The following PHF21B variants were observed in gnomAD, a reference collection of about 807,000 sequenced individuals.
The protein encoded by PHF21B is PHD finger protein 21B.
In PHF21B, 22 loss-of-function variants were observed where a neutral mutation model predicts 62.2. That is an observed-to-expected ratio of 0.35 (90% CI 0.25 to 0.51). The LOEUF (loss-of-function observed/expected upper bound fraction) is 0.51. Ranked by LOEUF, PHF21B falls within the 20% of genes least tolerant of loss-of-function variation. The pLI, the probability that PHF21B is intolerant of heterozygous loss-of-function variation, is 0.97. For synonymous variants in PHF21B, 341 were observed against 314.7 expected, an observed-to-expected ratio of 1.08 and a Z score of -0.88; for missense variants, 701 against 707.9, an observed-to-expected ratio of 0.99 and a Z score of 0.11.
chr22:44,986,845 G>A (rs1251599126), intron 2 of PHF21B, among the ~76,000 whole-genome samples: 2 of 151,846 alleles, frequency 1.3e-5, no homozygotes, highest in Admixed American at 1.3e-4. Flanking sequence ...GGCAGGTGCA[G>A]GCGGGGTCCT....
chr22:44,987,423 CT>C (rs2147495831), intron 2 of PHF21B, among the ~76,000 whole-genome samples: 1 of 152,300 alleles, frequency 6.6e-6, no homozygotes, highest in Admixed American at 6.5e-5. Flanking sequence ...AGCCACGGTT[CT>C]GCTTCACACT....
At chr22:44,927,497 G>A (rs564085540) in intron 2 of PHF21B, among the ~76,000 whole-genome samples, 14 of 152,000 alleles carry the variant, frequency 9.2e-5, no homozygotes, top group Non-Finnish European at 1.9e-4. Context: ...ATCTGGGGAA[G>A]AGTCTGCTGC....
chr22:44,973,872 G>T (rs1212416425), intron 2 of PHF21B, among the ~76,000 whole-genome samples: 3 of 152,212 alleles, frequency 2.0e-5, no homozygotes, highest in Non-Finnish European at 4.4e-5. Context: ...CTTGGAGGAG[G>T]TGGTGCCAAG....
intron 2 of PHF21B, among the ~76,000 whole-genome samples, chr22:44,957,996 A>G (rs2072336000): frequency 6.6e-6 from 1 of 150,680 alleles, no homozygotes; most frequent in Non-Finnish European, 1.5e-5. Flanking sequence ...TCCACCTCCC[A>G]GGTTCAAGCG....
intron 5 of PHF21B, among the ~76,000 whole-genome samples, chr22:44,911,506 C>A (rs1201379258): frequency 2.0e-5 from 3 of 152,172 alleles, no homozygotes; most frequent in Non-Finnish European, 4.4e-5. Context: ...CCCAGCCACT[C>A]CAGCCATGAC....
chr22:44,996,176 C>A (rs2073119978), intron 2 of PHF21B, among the ~76,000 whole-genome samples: 1 of 152,198 alleles, frequency 6.6e-6, no homozygotes, highest in Non-Finnish European at 1.5e-5. Flanking sequence ...CAGCGCCCAG[C>A]CCTCAGCAGG....
At chr22:44,942,604 C>G (rs2071980841) in intron 2 of PHF21B, among the ~76,000 whole-genome samples, 1 of 152,180 alleles carries the variant, frequency 6.6e-6, no homozygotes, top group Non-Finnish European at 1.5e-5. Context: ...AGCAGCTGCC[C>G]CACACAGGGC....
intron 12 of PHF21B, among the ~76,000 whole-genome samples, chr22:44,884,939 C>G (rs1026895018): frequency 2.0e-5 from 3 of 152,248 alleles, no homozygotes; most frequent in Non-Finnish European, 2.9e-5. Context: ...TTGTCTATCT[C>G]CATCCTATGG....
At chr22:44,932,897 G>T (rs549384092) in intron 2 of PHF21B, among the ~76,000 whole-genome samples, 1 of 152,324 alleles carries the variant, frequency 6.6e-6, no homozygotes, top group South Asian at 2.1e-4. Flanking sequence ...CAGCTCACTG[G>T]ATTTGACAAA....
intron 2 of PHF21B, among the ~76,000 whole-genome samples, chr22:44,958,768 G>T (rs1028086965): frequency 4.0e-5 from 6 of 151,704 alleles, no homozygotes; most frequent in Non-Finnish European, 7.4e-5. Context: ...ACCACACCTG[G>T]CTAATTTTTT....
rs116740183 is a variant in PHF21B at position 44,923,746 on chromosome 22, A to G, written c.121-3256T>C. On this transcript the variant is annotated intron_variant, in intron 2 of 12. Transcript: ENST00000313237. The stretch of plus-strand genomic sequence containing the variant: ...AAAGAAGATATACTGGGCCAGGCAC[A>G]GTGCCTCATGCTTGAAATCCCAGCA... Among the ~76,000 whole-genome samples the G allele has an allele frequency of 7.6e-3, 1,152 of 152,306 alleles. 16 individuals are homozygous for G. The highest frequency in any genetic ancestry group is 0.026 in the African/African-American group (1,060 of 41,556).
intron 2 of PHF21B, chr22:45,003,063 A>C (rs2073249366): frequency 6.6e-6 from 1 of 152,258 alleles, no homozygotes; most frequent in Non-Finnish European, 1.5e-5. Context: ...AAGTTCCTTG[A>C]AACTGTTCTC....
intron 2 of PHF21B, among the ~76,000 whole-genome samples, chr22:44,994,870 TACCCAAA>T (rs2073094911): frequency 6.6e-6 from 1 of 152,142 alleles, no homozygotes; most frequent in African/African-American, 2.4e-5. Flanking sequence ...CAGATAAAAA[TACCCAAA>T]CTTGGGGAGC....
In PHF21B at chr22:44,927,887, T is replaced by C. The variant is rs190941218; in HGVS notation, c.121-7397A>G. ...ACGTTTACAGCTCCAAGCATTTTAA[T>C]AGGGGGTAAAAAACGGGCCATAACA... On this transcript the variant is annotated intron_variant, in intron 2 of 12. Transcript: ENST00000313237. Among the ~76,000 whole-genome samples the C allele has an allele frequency of 2.1e-4, 32 of 152,178 alleles. 1 individual carries two copies. The East Asian group carries it at 5.8e-3, about 28-fold the overall frequency.
intron 2 of PHF21B, among the ~76,000 whole-genome samples, chr22:44,966,169 G>T (rs978756061): frequency 6.6e-6 from 1 of 152,156 alleles, no homozygotes; most frequent in African/African-American, 2.4e-5. Flanking sequence ...CTCCTACGCT[G>T]CCTGGGCCTC....
At chr22:44,920,375 G>A (rs761650088) in intron 3 of PHF21B, 23 bp downstream of exon 3, 70 of 1,583,880 alleles carry the variant, frequency 4.4e-5, no homozygotes, top group Non-Finnish European at 5.9e-5. Flanking sequence ...GGACACCCCA[G>A]GGCCCGCCCG....
chr22:44,926,625 G>A (rs1008756055), intron 2 of PHF21B, among the ~76,000 whole-genome samples: 1 of 152,232 alleles, frequency 6.6e-6, no homozygotes, highest in African/African-American at 2.4e-5. Flanking sequence ...AGGAGGCCGA[G>A]GACAGCCATG....
rs183161304 is a variant in PHF21B at position 44,921,523 on chromosome 22, G to A, written c.121-1033C>T. Among the ~76,000 whole-genome samples the A allele has an allele frequency of 6.7e-4, 100 of 150,340 alleles. No homozygotes were observed. In the East Asian group the frequency reaches 0.011, roughly 17 times the overall value. ...CTGGAACTACAGGCGCTGCCACCACGCCTGGCTAATTTTTTGTATTTTTAG... is the reference window on the plus strand; with the variant it reads ...CTGGAACTACAGGCGCTGCCACCACACCTGGCTAATTTTTTGTATTTTTAG... On this transcript the variant is annotated intron_variant, in intron 2 of 12. Coordinates refer to ENST00000313237, the MANE Select transcript of PHF21B (RefSeq NM_138415.5).
chr22:44,927,219 G>A (rs777496022), intron 2 of PHF21B, among the ~76,000 whole-genome samples: 3 of 152,022 alleles, frequency 2.0e-5, no homozygotes, highest in Non-Finnish European at 4.4e-5. Flanking sequence ...GACACAACCC[G>A]CCCTGGGGAA....
Sources: allele counts gnomAD v4.1 joint callset (sites outside exome capture counted in the v4.1 genomes callset), GRCh38; gene constraint gnomAD v4.1.1; transcripts MANE v1.5; gene names NCBI Gene and HGNC (gene_info 2026-07-23, HGNC 2026-07-21).